CNTN5: variants seen among roughly 807,000 people sequenced by gnomAD.
The protein encoded by CNTN5 is contactin 5.
In CNTN5, 77 loss-of-function variants were observed where a neutral mutation model predicts 129.1. That is an observed-to-expected ratio of 0.60 (90% confidence interval 0.50 to 0.72). The LOEUF (loss-of-function observed/expected upper bound fraction) is 0.72, where lower values mean the gene tolerates loss of function less well. Among genes scored for constraint, CNTN5 ranks in the 30% least tolerant of loss-of-function variants. The pLI is 0.00. For missense variants in CNTN5, 1,478 were observed against 1,328.8 expected (o/e 1.11, Z -1.75); for synonymous variants, 509 against 465.6 (o/e 1.09, Z -1.20).
At chr11:99,738,079 A>G (rs1223667900) in intron 3 of CNTN5, among the ~76,000 whole-genome samples, 2 of 152,226 alleles carry the variant, frequency 1.3e-5, no homozygotes, top group East Asian at 3.9e-4. Flanking sequence ...AAGGAGGCAC[A>G]CAAATTAGTT....
At chr11:99,985,304 A>T (rs1315098678) in intron 8 of CNTN5, among the ~76,000 whole-genome samples, 1 of 152,126 alleles carries the variant, frequency 6.6e-6, no homozygotes, top group Non-Finnish European at 1.5e-5. Flanking sequence ...AATGGTTCTC[A>T]GCAGACAGGG....
At chr11:99,382,388 C>G (rs11219702) in intron 2 of CNTN5, among the ~76,000 whole-genome samples, 1 of 152,052 alleles carries the variant, frequency 6.6e-6, no homozygotes, top group African/African-American at 2.4e-5. Context: ...CAGATGCAGA[C>G]GCAGAGAGAA....
intron 2 of CNTN5, among the ~76,000 whole-genome samples, chr11:99,486,366 T>G (rs1945811765): frequency 1.3e-5 from 2 of 152,152 alleles, no homozygotes; most frequent in Admixed American, 1.3e-4. Context: ...GCTCATACTG[T>G]GTATTGTTTA....
At chr11:99,507,366 ACT>A (rs1946664119) in intron 2 of CNTN5, among the ~76,000 whole-genome samples, 1 of 122,342 alleles carries the variant, frequency 8.2e-6, no homozygotes, top group African/African-American at 3.1e-5. Flanking sequence ...ACAAAAGGAG[ACT>A]CTGTCTCAAA....
intron 3 of CNTN5, among the ~76,000 whole-genome samples, chr11:99,704,106 T>G (rs924036879): frequency 1.3e-5 from 2 of 150,686 alleles, no homozygotes; most frequent in African/African-American, 2.4e-5. Context: ...CATATGCATG[T>G]ATATTAATAA....
chr11:99,651,069 T>C (rs1952137149), intron 3 of CNTN5, among the ~76,000 whole-genome samples: 1 of 151,990 alleles, frequency 6.6e-6, no homozygotes, highest in Non-Finnish European at 1.5e-5. Context: ...TTATTTGTTA[T>C]TTAACATGCA....
chr11:99,907,469 T>A (rs1591398781), intron 6 of CNTN5, among the ~76,000 whole-genome samples: 1 of 151,988 alleles, frequency 6.6e-6, no homozygotes. Flanking sequence ...GTTGTCCAGT[T>A]GCCTATTATT....
intron 1 of CNTN5, among the ~76,000 whole-genome samples, chr11:99,301,769 CAG>C (rs1469153762): frequency 6.6e-6 from 1 of 151,528 alleles, no homozygotes; most frequent in Non-Finnish European, 1.5e-5. Context: ...TACCCAATAA[CAG>C]AAAAAATGTG....
chr11:99,959,851 G>A (rs1346499813), intron 8 of CNTN5, among the ~76,000 whole-genome samples: 1 of 152,048 alleles, frequency 6.6e-6, no homozygotes, highest in East Asian at 1.9e-4. Flanking sequence ...TTTTTTACCA[G>A]AGAAGCTACA....
chr11:99,971,575 A>C (rs1016798155), intron 8 of CNTN5, among the ~76,000 whole-genome samples: 7 of 151,216 alleles, frequency 4.6e-5, no homozygotes, highest in African/African-American at 1.7e-4. Context: ...CAAACAAAAA[A>C]CTCTACAAAA....
At chr11:99,628,115 A>G (rs1192710727) in intron 3 of CNTN5, among the ~76,000 whole-genome samples, 2 of 151,924 alleles carry the variant, frequency 1.3e-5, no homozygotes, top group Non-Finnish European at 2.9e-5. Flanking sequence ...AGGAGCAATT[A>G]GAGTATTCAT....
At chr11:99,358,125 G>C (rs1435035641) in intron 2 of CNTN5, among the ~76,000 whole-genome samples, 1 of 141,734 alleles carries the variant, frequency 7.1e-6, no homozygotes, top group Non-Finnish European at 1.5e-5. Flanking sequence ...GTCTCGCTCT[G>C]TCGCCCAGGC....
At chr11:99,065,281 A>G (rs764325644) in intron 1 of CNTN5, among the ~76,000 whole-genome samples, 52 of 152,292 alleles carry the variant, frequency 3.4e-4, no homozygotes, top group Non-Finnish European at 5.7e-4. Flanking sequence ...AAATCTGACC[A>G]TATTAGGAGC....
intron 9 of CNTN5, among the ~76,000 whole-genome samples, chr11:100,036,458 T>A (rs1251174181): frequency 6.6e-6 from 1 of 151,116 alleles, no homozygotes; most frequent in African/African-American, 2.4e-5. Flanking sequence ...CGGGCTCTTT[T>A]TTGGTTCCAT....
At chr11:99,806,666 G>T (rs953348070) in intron 3 of CNTN5, among the ~76,000 whole-genome samples, 1 of 151,946 alleles carries the variant, frequency 6.6e-6, no homozygotes, top group African/African-American at 2.4e-5. Flanking sequence ...AATTAGTCAG[G>T]TGTGGTGGCG....
chr11:99,553,248 T>G (rs1329555032), intron 2 of CNTN5, among the ~76,000 whole-genome samples: 2 of 152,150 alleles, frequency 1.3e-5, no homozygotes, highest in Non-Finnish European at 2.9e-5. Context: ...GTTTGTGACT[T>G]TTTAATCTCA....
intron 3 of CNTN5, among the ~76,000 whole-genome samples, chr11:99,629,115 A>C (rs603255): frequency 6.6e-6 from 1 of 151,478 alleles, no homozygotes; most frequent in African/African-American, 2.4e-5. Flanking sequence ...CAGAAATTAC[A>C]GGCCTACTAA....
At chr11:99,269,755 AACTT>A (rs1468476442) in intron 1 of CNTN5, among the ~76,000 whole-genome samples, 1 of 149,418 alleles carries the variant, frequency 6.7e-6, no homozygotes, top group African/African-American at 2.6e-5. Context: ...TAATATTATA[AACTT>A]ACTTCTAGGG....
At chr11:99,583,620 G>C (rs1949691477) in intron 3 of CNTN5, among the ~76,000 whole-genome samples, 1 of 152,216 alleles carries the variant, frequency 6.6e-6, no homozygotes, top group Non-Finnish European at 1.5e-5. Context: ...AGGACTCTCT[G>C]AGCCATGCGC....
Sources: gnomAD v4.1 joint callset for allele counts (sites outside exome capture counted in the v4.1 genomes callset) on GRCh38, gnomAD v4.1.1 for gene constraint, MANE v1.5 for transcripts, NCBI Gene and HGNC (gene_info 2026-07-23, HGNC 2026-07-21) for gene names.